RNF38: variants seen among roughly 807,000 people sequenced by gnomAD.
RNF38 encodes ring finger protein 38, also known as E3 ubiquitin-protein ligase RNF38.
Under a neutral mutation model 67.2 loss-of-function variants are expected in RNF38, and 15 were observed. That is an observed-to-expected ratio of 0.22 (90% confidence interval 0.15 to 0.34). RNF38 has a LOEUF of 0.34. RNF38 is among the 10% of genes least tolerant of loss of function. The pLI, the probability that RNF38 is intolerant of heterozygous loss-of-function variation, is 1.00. For synonymous variants in RNF38, 220 were observed against 218.8 expected (o/e 1.01, Z -0.05); for missense variants, 524 against 639.9 (o/e 0.82, Z 1.95).
Position 36,473,835 on chromosome 9 carries a change from A to C in RNF38, n.241+13473T>G, listed in dbSNP as rs146902602. Among the ~76,000 whole-genome samples the C allele has an allele frequency of 8.6e-3, 1,299 of 150,866 alleles. 18 individuals are homozygous for C. The highest frequency in any genetic ancestry group is 0.03 in the African/African-American group (1,219 of 41,018). ...CCCCGTCTCTACTAAAAATACAAAA[A>C]AATTAGCCGGGCGTGGTGGCAGGCA... On this transcript the variant is annotated intron_variant and non_coding_transcript_variant, in intron 1 of 3. Coordinates refer to the RNF38 transcript ENST00000488058.
intron 1 of RNF38, among the ~76,000 whole-genome samples, chr9:36,439,790 C>CAAAAA (rs1156589143): frequency 1.3e-5 from 1 of 76,346 alleles, no homozygotes; most frequent in African/African-American, 4.8e-5. Flanking sequence ...GACTCTGTCT[C>CAAAAA]AAAAAAAAAA....
chr9:36,477,452 G>A (rs1304450375), intron 1 of RNF38, among the ~76,000 whole-genome samples: 2 of 152,000 alleles, frequency 1.3e-5, no homozygotes, highest in African/African-American at 4.8e-5. Flanking sequence ...AAGGTGGGAG[G>A]ATCACTTGAG....
At position 36,339,675 on chromosome 9, in the gene RNF38, C is replaced by T; in HGVS notation, c.*77G>A. ...GGTAAAGGGAGGGCTGGAAGCCACA[C>T]AGATTAAGTTCAATGGATAGTCCGT... On this transcript the variant is annotated 3_prime_UTR_variant, in exon 12 of 12. Coordinates refer to ENST00000259605, the MANE Select transcript of RNF38 (RefSeq NM_022781.5). 8 of 1,184,058 alleles carry T rather than the reference C, an allele frequency of 6.8e-6. No homozygotes were observed. The highest frequency in any genetic ancestry group is 9.9e-6 in the Non-Finnish European group (8 of 805,412). The allele number at this position is 1,184,058 out of a possible 1,614,324, so 73.3% of individuals were successfully genotyped here.
chr9:36,369,961 T>TA (rs1354437328), intron 3 of RNF38, 29 bp from the exon 4 acceptor site: 1 of 1,565,242 alleles, frequency 6.4e-7, no homozygotes, highest in South Asian at 1.1e-5. Context: ...AGAAAGTCAT[T>TA]ATGCTTATTG....
chr9:36,484,905 G>A (rs1270689266), intron 1 of RNF38, among the ~76,000 whole-genome samples: 8 of 152,126 alleles, frequency 5.3e-5, no homozygotes, highest in African/African-American at 1.7e-4. Flanking sequence ...GGTGGCTCAC[G>A]CCTGTAATCC....
At position 36,353,362 on chromosome 9, in the gene RNF38, G is replaced by GTA. The variant is rs558042917; in HGVS notation, c.910-33_910-32dup. The GTA allele has an allele frequency of 4.6e-3, 6,052 of 1,304,890 alleles. 7 individuals are homozygous for GTA. Among genetic ancestry groups the GTA allele is most frequent in the Non-Finnish European group, 5.5e-3 (5,297 of 958,804 alleles). The allele number at this position is 1,304,890 out of a possible 1,614,324, so 80.8% of individuals were successfully genotyped here. ...GAGGGGGAAAAAAAAACACATATAT[G>GTA]TATATATATATATACTTCCTGTGTT... On this transcript the variant is annotated intron_variant, in intron 6 of 11. Coordinates refer to ENST00000259605, the MANE Select transcript of RNF38 (RefSeq NM_022781.5).
intron 2 of RNF38, among the ~76,000 whole-genome samples, chr9:36,422,197 C>G (rs1838646341): frequency 6.6e-6 from 1 of 152,138 alleles, no homozygotes. Context: ...TGCCACTGCA[C>G]TCCAGCCTGG....
In RNF38 at chr9:36,375,953, G is replaced by T. The variant is rs1835756140; in HGVS notation, c.337C>A (p.Pro113Thr). The T allele has an allele frequency of 6.2e-7, 1 of 1,612,326 alleles. No individual in the cohort carries two copies. Among genetic ancestry groups the T allele is most frequent in the Non-Finnish European group, 8.5e-7 (1 of 1,179,354 alleles). ...ACTAACCTTCTTCTGTTGCGTGCAGGTGTGTTGCATCGTTCCCCTGAGAAG... is the reference window on the plus strand; with the variant it reads ...ACTAACCTTCTTCTGTTGCGTGCAGTTGTGTTGCATCGTTCCCCTGAGAAG... Reference protein sequence around the residue: ...HHFSGERCNTPARNRRSPPVR... With the variant: ...HHFSGERCNTTARNRRSPPVR... Residue 113 changes from proline to threonine, a missense_variant, in exon 3 of 12, where the codon CCT becomes ACT. Physicochemically the swap from Pro to Thr is conservative, Grantham distance 38. This residue lies in a region of RNF38 where 461 missense variants were observed against 517.4 expected (regional missense o/e 0.89). Transcript: ENST00000259605.
chr9:36,480,548 CTT>C (rs3072687), intron 1 of RNF38, among the ~76,000 whole-genome samples: 6 of 100,810 alleles, frequency 6.0e-5, no homozygotes, highest in Non-Finnish European at 7.5e-5. Flanking sequence ...TTTTCTTTTT[CTT>C]TTTTTTTTTT....
intron 1 of RNF38, among the ~76,000 whole-genome samples, chr9:36,477,245 C>A (rs1023461040): frequency 2.0e-5 from 3 of 151,236 alleles, no homozygotes; most frequent in Non-Finnish European, 4.4e-5. Flanking sequence ...ACTGCTTGAA[C>A]CTGGGAGGCA....
At chr9:36,392,676 C>T (rs1034345352) in intron 1 of RNF38, among the ~76,000 whole-genome samples, 12 of 152,122 alleles carry the variant, frequency 7.9e-5, no homozygotes, top group Admixed American at 4.6e-4. Flanking sequence ...AAGGCAGGAG[C>T]TTCACTCGAG....
At chr9:36,454,578 T>TA (rs1839539160) in intron 1 of RNF38, among the ~76,000 whole-genome samples, 1 of 131,570 alleles carries the variant, frequency 7.6e-6, no homozygotes, top group Non-Finnish European at 1.6e-5. Context: ...TACATTAATT[T>TA]ACTTTTTTTT....
chr9:36,338,338 A>C lies in RNF38; in HGVS notation c.*1414T>G, dbSNP rs559553045. ...TTTTTTATACAAAAACCAAATCTTCATTTATACTGCAAGTATTCTGGACAC... is the reference window on the plus strand; with the variant it reads ...TTTTTTATACAAAAACCAAATCTTCCTTTATACTGCAAGTATTCTGGACAC... On this transcript the variant is annotated 3_prime_UTR_variant, in exon 12 of 12. Coordinates refer to ENST00000259605, the MANE Select transcript of RNF38 (RefSeq NM_022781.5). The C allele has an allele frequency of 5.3e-5, 8 of 152,234 alleles. No individual in the cohort carries two copies. Among genetic ancestry groups the C allele is most frequent in the Non-Finnish European group, 1.2e-4 (8 of 68,030 alleles). The allele number at this position is 152,234 out of a possible 1,614,324, so 9.4% of individuals were successfully genotyped here.
chr9:36,473,810 C>A (rs1043382878), intron 1 of RNF38, among the ~76,000 whole-genome samples: 1 of 149,794 alleles, frequency 6.7e-6, no homozygotes, highest in African/African-American at 2.5e-5. Flanking sequence ...GATGGTGAAA[C>A]CCCGTCTCTA....
At chr9:36,372,460 C>A in intron 3 of RNF38, 1 of 671,910 alleles carries the variant, frequency 1.5e-6, no homozygotes, top group Non-Finnish European at 2.7e-6. Flanking sequence ...TCTTTCACTT[C>A]ATTCGTTTTT....
chr9:36,464,885 G>A lies in RNF38; in HGVS notation n.241+22423C>T, dbSNP rs1407722752. On this transcript the variant is annotated intron_variant and non_coding_transcript_variant, in intron 1 of 3. Transcript: ENST00000488058. The stretch of plus-strand genomic sequence containing the variant: ...AAAGAAAAAAGTAAAGAAAGCAAAT[G>A]TACTAAAATGCTTGTTTTACAATTA... 2.6e-5 allele frequency among the ~76,000 whole-genome samples: 4 copies of A among 152,088 alleles called. No individual in the cohort carries two copies. In the East Asian group the frequency reaches 7.7e-4, roughly 29 times the overall value.
At chr9:36,388,293 A>G (rs1244855433) in intron 2 of RNF38, among the ~76,000 whole-genome samples, 1 of 152,140 alleles carries the variant, frequency 6.6e-6, no homozygotes, top group African/African-American at 2.4e-5. Flanking sequence ...TAAATTGCAT[A>G]TATGAAATAT....
chr9:36,394,466 A>G (rs1351615912), intron 1 of RNF38, among the ~76,000 whole-genome samples: 1 of 152,214 alleles, frequency 6.6e-6, no homozygotes, highest in East Asian at 1.9e-4. Flanking sequence ...AAATTATTGT[A>G]CCACAGTGAA....
At chr9:36,451,090 TAC>T (rs1839426977) in intron 1 of RNF38, among the ~76,000 whole-genome samples, 2 of 152,218 alleles carry the variant, frequency 1.3e-5, no homozygotes, top group African/African-American at 2.4e-5. Context: ...ACTGTGTTAA[TAC>T]GCACCTTGGG....
Sources: gnomAD v4.1 joint callset for allele counts (sites outside exome capture counted in the v4.1 genomes callset) on GRCh38, gnomAD v4.1.1 for gene constraint, gnomAD v4.1.1 regional missense constraint, MANE v1.5 for transcripts, NCBI Gene and HGNC (gene_info 2026-07-23, HGNC 2026-07-21) for gene names.